The following SEC22A variants were observed in gnomAD, a reference collection of about 807,000 sequenced individuals.
SEC22A encodes SEC22 homolog A, vesicle trafficking protein.
SEC22A carries 22 observed loss-of-function variants against 35.3 expected under a neutral mutation model. The ratio of observed to expected loss-of-function variants is 0.62; its 90% CI spans 0.45 to 0.89. The LOEUF is 0.89. SEC22A is among the 40% of genes least tolerant of loss of function. The pLI, the probability that SEC22A is intolerant of heterozygous loss-of-function variation, is 0.00. For synonymous variants in SEC22A, 119 were observed against 129.5 expected, an observed-to-expected ratio of 0.92 and a Z score of 0.55; for missense variants, 354 against 362.5, an observed-to-expected ratio of 0.98 and a Z score of 0.19.
At chr3:123,251,255 C>T (rs890299408) in intron 5 of SEC22A, among the ~76,000 whole-genome samples, 26 of 152,180 alleles carry the variant, frequency 1.7e-4, no homozygotes, top group African/African-American at 4.3e-4. Context: ...GTGAAAGAAG[C>T]ATGGGGTATA....
At position 123,208,863 on chromosome 3, in the gene SEC22A, C is replaced by G. The variant is rs533731346; in HGVS notation, c.-19-336C>G. 5.5e-5 allele frequency: 13 copies of G among 236,872 alleles called. 1 individual carries two copies. In the South Asian group the frequency reaches 6.6e-4, roughly 12 times the overall value. 14.7% of individuals were successfully genotyped at this position (236,872 alleles called of 1,614,324 possible). A position where few individuals can be genotyped will look rare whatever the true frequency, so the allele number is the denominator to read the frequency against. On this transcript the variant is annotated intron_variant, in intron 1 of 6. Transcript: ENST00000492595. ...AGGCTGGAGCTCAGTGACGCGATTT[C>G]GGCTCACTGCAACCTCTGCCTCCCG...
At chr3:123,217,154 A>G (rs566721101) in intron 2 of SEC22A, among the ~76,000 whole-genome samples, 23 of 151,582 alleles carry the variant, frequency 1.5e-4, no homozygotes, top group African/African-American at 5.6e-4. Context: ...AAGTTTCAAC[A>G]CTTTATTTTA....
At chr3:123,220,794 A>G (rs1468001132) in intron 2 of SEC22A, among the ~76,000 whole-genome samples, 2 of 150,486 alleles carry the variant, frequency 1.3e-5, no homozygotes, top group East Asian at 1.9e-4. Flanking sequence ...AGTATATCCC[A>G]TACCACTAGT....
chr3:123,262,370 C>G (rs1937911756), intron 6 of SEC22A, among the ~76,000 whole-genome samples: 1 of 152,168 alleles, frequency 6.6e-6, no homozygotes, highest in Admixed American at 6.5e-5. Flanking sequence ...AGTTGAAAAA[C>G]CAGTATACTT....
chr3:123,249,964 G>A (rs1359090962), intron 5 of SEC22A, among the ~76,000 whole-genome samples: 1 of 152,136 alleles, frequency 6.6e-6, no homozygotes, highest in Non-Finnish European at 1.5e-5. Context: ...TATTTACAAG[G>A]GTTTTATTTT....
intron 4 of SEC22A, among the ~76,000 whole-genome samples, chr3:123,233,399 A>G (rs991278981): frequency 7.2e-5 from 11 of 152,160 alleles, no homozygotes; most frequent in Admixed American, 4.6e-4. Flanking sequence ...AATACACTCT[A>G]TGACGTTTGC....
intron 2 of SEC22A, among the ~76,000 whole-genome samples, chr3:123,214,489 T>G (rs1175749257): frequency 6.6e-6 from 1 of 152,176 alleles, no homozygotes; most frequent in Non-Finnish European, 1.5e-5. Flanking sequence ...GGTGTTCAGT[T>G]TTGTGATTTC....
intron 4 of SEC22A, among the ~76,000 whole-genome samples, chr3:123,233,262 A>G (rs1937353096): frequency 6.6e-6 from 1 of 152,230 alleles, no homozygotes; most frequent in African/African-American, 2.4e-5. Context: ...ATACACAAAT[A>G]CTATTGTGTT....
At chr3:123,258,830 T>C (rs946600571) in intron 5 of SEC22A, among the ~76,000 whole-genome samples, 1 of 152,246 alleles carries the variant, frequency 6.6e-6, no homozygotes, top group African/African-American at 2.4e-5. Flanking sequence ...TATAAAAACA[T>C]TGAAAGAAGT....
intron 4 of SEC22A, among the ~76,000 whole-genome samples, chr3:123,235,350 C>T (rs1482097403): frequency 6.6e-6 from 1 of 152,054 alleles, no homozygotes. Flanking sequence ...AAGACATAAT[C>T]CAGTTTAAAA....
In SEC22A at chr3:123,259,563, C is replaced by T. The variant is rs1262050198; in HGVS notation, c.697C>T (p.Leu233Phe). ...TTTTAATTACATCATTGCATTTTTC[C>T]TTGGAACAGCAGCCTGCCTTTACCA... ...DDFNYIIAFFLGTAACLYQCY... is the reference protein window; with the variant it reads ...DDFNYIIAFFFGTAACLYQCY... Residue 233 changes from leucine to phenylalanine, a missense_variant, in exon 6 of 7, where the codon CTT becomes TTT. By Grantham distance (22) the Leu-to-Phe change is conservative (BLOSUM62 0). Transcript: ENST00000492595. The T allele has an allele frequency of 6.2e-7, 1 of 1,612,544 alleles. No individual in the cohort carries two copies. The highest frequency in any genetic ancestry group is 8.5e-7 in the Non-Finnish European group (1 of 1,179,042).
rs35895285 is a variant in SEC22A at position 123,269,625 on chromosome 3, ATTTTT to A, written c.724-1876_724-1872del. On this transcript the variant is annotated intron_variant, in intron 6 of 6. Transcript: ENST00000492595. ...CTCTTCAAGACTGTCAAGGACATGA[ATTTTT>A]TTTTTTTTTTTTTTTTTTTTGAGAT... is the stretch of plus-strand genomic sequence containing the variant. 7.8e-5 allele frequency among the ~76,000 whole-genome samples: 7 copies of A among 89,482 alleles called. No homozygotes were observed. The East Asian group carries it at 1.2e-3, about 15-fold the overall frequency. 58.7% of individuals were successfully genotyped at this position (89,482 alleles called of 152,430 possible). A position where few individuals can be genotyped will look rare whatever the true frequency, so the allele number is the denominator to read the frequency against.
chr3:123,222,553 C>T (rs551430728), intron 2 of SEC22A, among the ~76,000 whole-genome samples: 1 of 152,058 alleles, frequency 6.6e-6, no homozygotes, highest in Non-Finnish European at 1.5e-5. Flanking sequence ...TTTTACAACC[C>T]TGGCACTTTT....
intron 1 of SEC22A, 127 bp downstream of exon 1, chr3:123,202,113 C>T (rs1345382174): frequency 6.5e-6 from 1 of 152,926 alleles, no homozygotes; most frequent in Non-Finnish European, 1.5e-5. Flanking sequence ...GATTGAAGAC[C>T]TACCCCACGG....
intron 4 of SEC22A, among the ~76,000 whole-genome samples, chr3:123,243,381 G>A (rs1268385523): frequency 6.6e-6 from 1 of 152,062 alleles, no homozygotes; most frequent in Non-Finnish European, 1.5e-5. Context: ...AGTCACTGTT[G>A]GTAGAAGTAG....
At position 123,208,967 on chromosome 3, in the gene SEC22A, G is replaced by A. The variant is rs1251741419; in HGVS notation, c.-19-232G>A. 3.8e-5 allele frequency: 14 copies of A among 364,766 alleles called. No individual in the cohort carries two copies. The Admixed American group carries it at 4.7e-4, about 12-fold the overall frequency. The allele number at this position is 364,766 out of a possible 1,614,324, so 22.6% of individuals were successfully genotyped here. On this transcript the variant is annotated intron_variant, in intron 1 of 6. Coordinates refer to ENST00000492595, the MANE Select transcript of SEC22A (RefSeq NM_012430.5). ...GCACCACCACGCCTGGCTAATTTTT[G>A]TATTTTTAGTAGAGAAGGGGTTTCA...
At chr3:123,226,166 C>CAGTAAACATGAGACATG (rs1474491170) in intron 4 of SEC22A, among the ~76,000 whole-genome samples, 2 of 152,184 alleles carry the variant, frequency 1.3e-5, no homozygotes, top group Non-Finnish European at 2.9e-5. Context: ...CATGAGAATG[C>CAGTAAACATGAGACATG]AGATGTCTCT....
intron 6 of SEC22A, among the ~76,000 whole-genome samples, chr3:123,264,536 T>G (rs1349766969): frequency 6.6e-6 from 1 of 152,202 alleles, no homozygotes; most frequent in African/African-American, 2.4e-5. Flanking sequence ...GGTTTTAACT[T>G]GCGTTGTTTA....
chr3:123,237,601 A>G (rs1937444959), intron 4 of SEC22A, among the ~76,000 whole-genome samples: 1 of 152,152 alleles, frequency 6.6e-6, no homozygotes, highest in Non-Finnish European at 1.5e-5. Flanking sequence ...CTTCTCTAAT[A>G]GTTCTAATTC....
Sources: allele counts gnomAD v4.1 joint callset (sites outside exome capture counted in the v4.1 genomes callset), GRCh38; gene constraint gnomAD v4.1.1; transcripts MANE v1.5; gene names NCBI Gene and HGNC (gene_info 2026-07-23, HGNC 2026-07-21).